The following AHDC1 variants were observed in gnomAD, a reference collection of about 807,000 sequenced individuals.
AHDC1 encodes transcription factor Gibbin.
Under a neutral mutation model 87.9 loss-of-function variants are expected in AHDC1, and 7 were observed. The observed-to-expected ratio is 0.08, with a 90% CI of 0.05 to 0.15. The LOEUF is 0.15. Ranked by LOEUF, AHDC1 falls within the 10% of genes least tolerant of loss-of-function variation. The pLI is 1.00. For missense variants in AHDC1, 1,841 were observed against 2,253.2 expected, an observed-to-expected ratio of 0.82 and a Z score of 3.70; for synonymous variants, 1,051 against 1,006.8, an observed-to-expected ratio of 1.04 and a Z score of -0.83.
chr1:27,586,059 G>C (rs1456733448), intron 3 of AHDC1, among the ~76,000 whole-genome samples: 1 of 152,206 alleles, frequency 6.6e-6, no homozygotes. Context: ...ACTGGGGTGG[G>C]GGAGAGGGGA....
intron 3 of AHDC1, among the ~76,000 whole-genome samples, chr1:27,576,207 G>GT (rs2088742532): frequency 6.6e-6 from 1 of 152,132 alleles, no homozygotes; most frequent in Non-Finnish European, 1.5e-5. Flanking sequence ...TTCCTTACCT[G>GT]TAAATTGGGG....
At position 27,548,293 on chromosome 1, in the gene AHDC1, G is replaced by A. The variant is rs1306069724; in HGVS notation, c.3823C>T (p.Arg1275Trp). 3.1e-6 allele frequency: 5 copies of A among 1,606,632 alleles called. No individual in the cohort carries two copies. Among genetic ancestry groups the A allele is most frequent in the African/African-American group, 1.3e-5 (1 of 74,826 alleles). ...TTGGCTGAGCAGGCCCCACCGCCCC[G>A]TCCACCTCGCGGCTGCCGGGGCCCA... ...STGPRQPRGG[R>W]GGGACSAKKE... is the part of the protein sequence containing the mutation. Residue 1275 changes from arginine (R) to tryptophan (W), a missense_variant, in exon 8 of 9, where the codon CGG becomes TGG. By Grantham distance (101) the Arg-to-Trp change is moderately radical. Transcript: ENST00000673934.
rs756424934 is a variant in AHDC1, at chr1:27,598,798, T to C, written c.-629+4599A>G. Among the ~76,000 whole-genome samples the C allele has an allele frequency of 6.6e-6, 1 of 152,086 alleles. No individual in the cohort carries two copies. The highest frequency in any genetic ancestry group is 2.4e-5 in the African/African-American group (1 of 41,396). ...AAATATATACAGTGCATCCCAGTGC[T>C]CACCGCCTGCCCAAGCCCCCCAACA... On this transcript the variant is annotated intron_variant, in intron 3 of 8. Transcript: ENST00000673934. The surrounding 1 kb of genome is among the most constrained non-coding windows in gnomAD (Gnocchi z 4.2).
At chr1:27,597,628 A>G (rs1018280351) in intron 3 of AHDC1, among the ~76,000 whole-genome samples, 2 of 151,940 alleles carry the variant, frequency 1.3e-5, no homozygotes, top group African/African-American at 4.8e-5. Flanking sequence ...TGACCTCTTT[A>G]GCAGCTGGAA....
rs1473220803 is a variant in AHDC1 at position 27,547,361 on chromosome 1, G to A, written c.4755C>T (p.Phe1585=). 2 of 1,555,106 alleles carry A rather than the reference G, an allele frequency of 1.3e-6. No homozygotes were observed. Among genetic ancestry groups the A allele is most frequent in the South Asian group, 1.2e-5 (1 of 82,352 alleles). Residue 1585 remains phenylalanine, a synonymous_variant, in exon 8 of 9, where the codon TTC becomes TTT. Transcript: ENST00000673934. The surrounding 1 kb of genome is among the most constrained non-coding windows in gnomAD (Gnocchi z 4.9). ...GGTGAGGTTCCGCCATGGGCCCCAG[G>A]AAGCCGCTCTTGGGGCCCCCACCCA... ...PGLGGGPKSG[F]LGPMAEPHPE...
In AHDC1 at chr1:27,550,561, G is replaced by A; in HGVS notation, c.1555C>T (p.Pro519Ser). Reference protein sequence around the residue: ...LGLRVSAEPTPLLKMKNNGRN... With the variant: ...LGLRVSAEPTSLLKMKNNGRN... The stretch of plus-strand genomic sequence containing the variant: ...CCATTGTTCTTCATCTTCAGCAGCG[G>A]GGTGGGCTCAGCCGACACGCGCAGG... Residue 519 changes from proline to serine, a missense_variant, in exon 8 of 9, where the codon CCG (proline) becomes TCG (serine). Physicochemically the swap from Pro to Ser is moderately conservative, Grantham distance 74. Transcript: ENST00000673934. The A allele has an allele frequency of 6.2e-7, 1 of 1,613,420 alleles. No individual in the cohort carries two copies. The highest frequency in any genetic ancestry group is 8.5e-7 in the Non-Finnish European group (1 of 1,179,674).
At chr1:27,585,235 A>G (rs901978228) in intron 3 of AHDC1, among the ~76,000 whole-genome samples, 9 of 144,514 alleles carry the variant, frequency 6.2e-5, no homozygotes, top group African/African-American at 2.4e-4. Context: ...CCCGGGCAAC[A>G]GGAGTAAGAC....
At chr1:27,577,115 A>G (rs1328680997) in intron 3 of AHDC1, among the ~76,000 whole-genome samples, 1 of 152,116 alleles carries the variant, frequency 6.6e-6, no homozygotes, top group Non-Finnish European at 1.5e-5. Context: ...CTCCCTCTCC[A>G]GTAGCTCACA....
At chr1:27,581,685 G>A (rs997058572) in intron 3 of AHDC1, among the ~76,000 whole-genome samples, 2 of 152,082 alleles carry the variant, frequency 1.3e-5, no homozygotes, top group Non-Finnish European at 2.9e-5. Flanking sequence ...CTTCCACCTC[G>A]AGCTAGCTAC....
At position 27,565,326 on chromosome 1, in the gene AHDC1, G is replaced by A. The variant is rs2020271254; in HGVS notation, c.-628-6443C>T. On this transcript the variant is annotated intron_variant, in intron 3 of 8. Coordinates refer to ENST00000673934, the MANE Select transcript of AHDC1 (RefSeq NM_001371928.1). This position sits in a 1 kb window ranked among gnomAD's most constrained non-coding sequence, Gnocchi z 4.6. ...GCCTGACCAGGCCTCACCACACCCA[G>A]AGGTGAGGCCTGACTCCCCTACCCC... Among the ~76,000 whole-genome samples the A allele has an allele frequency of 6.6e-6, 1 of 152,112 alleles. No homozygotes were observed. The highest frequency in any genetic ancestry group is 2.4e-5 in the African/African-American group (1 of 41,430).
At position 27,562,328 on chromosome 1, in the gene AHDC1, G is replaced by A. The variant is rs149236130; in HGVS notation, c.-628-3445C>T. ...TCAGAAATCCAATATCCTCCCCGGT[G>A]CACTGATCGACTGACTACCTGAGCT... On this transcript the variant is annotated intron_variant, in intron 3 of 8. Coordinates refer to ENST00000673934, the MANE Select transcript of AHDC1 (RefSeq NM_001371928.1). This position sits in a 1 kb window ranked among gnomAD's most constrained non-coding sequence, Gnocchi z 4.4. Among the ~76,000 whole-genome samples the A allele has an allele frequency of 6.6e-6, 1 of 152,264 alleles. No homozygotes were observed. The highest frequency in any genetic ancestry group is 1.9e-4 in the East Asian group (1 of 5,174).
chr1:27,542,169 T>G (rs1226765330), intron 8 of AHDC1, among the ~76,000 whole-genome samples: 1 of 152,236 alleles, frequency 6.6e-6, no homozygotes, highest in African/African-American at 2.4e-5. Context: ...GGAAAAATCA[T>G]GACATATTAC....
At chr1:27,579,131 A>G (rs1376635244) in intron 3 of AHDC1, among the ~76,000 whole-genome samples, 1 of 150,940 alleles carries the variant, frequency 6.6e-6, no homozygotes. Context: ...TGCAGCCTCA[A>G]TCTTCTGGGC....
intron 3 of AHDC1, among the ~76,000 whole-genome samples, chr1:27,559,152 A>G (rs1266364411): frequency 6.6e-6 from 1 of 152,098 alleles, no homozygotes; most frequent in East Asian, 1.9e-4. Context: ...CCTGGGCTCA[A>G]GTGATCCTCC....
chr1:27,582,947 C>T (rs183880703), intron 3 of AHDC1, among the ~76,000 whole-genome samples: 56 of 152,296 alleles, frequency 3.7e-4, no homozygotes, highest in African/African-American at 1.3e-3. Context: ...GAGTCTTCCT[C>T]TGTCACCCAG....
chr1:27,536,819 C>A (rs1318296485), intron 8 of AHDC1, among the ~76,000 whole-genome samples: 1 of 152,062 alleles, frequency 6.6e-6, no homozygotes, highest in Non-Finnish European at 1.5e-5. Flanking sequence ...CCAAGGGCCC[C>A]GGGGCAGGCT....
intron 8 of AHDC1, among the ~76,000 whole-genome samples, chr1:27,536,477 C>T (rs1036051882): frequency 6.6e-6 from 1 of 152,136 alleles, no homozygotes; most frequent in Non-Finnish European, 1.5e-5. Flanking sequence ...GACAGCTGTG[C>T]TGCAATGGGG....
In AHDC1 at chr1:27,560,632, GTGTCCA is replaced by G. The variant is rs1356082617; in HGVS notation, c.-628-1755_-628-1750del. On this transcript the variant is annotated intron_variant, in intron 3 of 8. Coordinates refer to ENST00000673934, the MANE Select transcript of AHDC1 (RefSeq NM_001371928.1). The surrounding 1 kb of genome is among the most constrained non-coding windows in gnomAD (Gnocchi z 4.1). Reference sequence around the variant, plus strand: ...CATGGGTCAGTATGTGCTCGTGTGTGTGTCCATGCATGTGTGGATTTGTGTGACCTT... The same window carrying G: ...CATGGGTCAGTATGTGCTCGTGTGTGTGCATGTGTGGATTTGTGTGACCTT... Among the ~76,000 whole-genome samples the G allele has an allele frequency of 3.3e-5, 5 of 152,140 alleles. No homozygotes were observed. The highest frequency in any genetic ancestry group is 7.4e-5 in the Non-Finnish European group (5 of 68,022).
chr1:27,555,808 A>G (rs886804028), intron 5 of AHDC1, among the ~76,000 whole-genome samples: 2 of 151,744 alleles, frequency 1.3e-5, no homozygotes, highest in African/African-American at 4.8e-5. Context: ...TTGGCAGAAG[A>G]GAAAAACCTC....
Sources: gnomAD v4.1 joint callset for allele counts (sites outside exome capture counted in the v4.1 genomes callset) on GRCh38, gnomAD v4.1.1 for gene constraint, Gnocchi (gnomAD v3.1) non-coding constraint, MANE v1.5 for transcripts, NCBI Gene and HGNC (gene_info 2026-07-23, HGNC 2026-07-21) for gene names.